PCDH15: variants seen among roughly 807,000 people sequenced by gnomAD.
PCDH15 encodes the protein protocadherin-15.
Under a neutral mutation model 178.5 loss-of-function variants are expected in PCDH15, and 129 were observed. That is an observed-to-expected ratio of 0.72 (90% CI 0.63 to 0.84). The LOEUF is 0.84. PCDH15 is among the 40% of genes least tolerant of loss of function. The probability of loss-of-function intolerance (pLI) is 0.00; values close to 1 mark genes in which losing one functional copy is unlikely to be tolerated. For synonymous variants in PCDH15, 800 were observed against 732.0 expected (o/e 1.09, Z -1.50); for missense variants, 2,230 against 2,099.9 (o/e 1.06, Z -1.21).
intron 1 of PCDH15, among the ~76,000 whole-genome samples, chr10:54,748,048 A>C (rs1041590453): frequency 2.0e-5 from 3 of 151,674 alleles, no homozygotes; most frequent in Admixed American, 6.6e-5. Context: ...CTCGTGATCC[A>C]CCCGCCCCCG....
chr10:54,273,173 T>C (rs533430154), intron 8 of PCDH15, among the ~76,000 whole-genome samples: 1 of 152,258 alleles, frequency 6.6e-6, no homozygotes, highest in East Asian at 1.9e-4. Context: ...AGCTTGCATG[T>C]AATTTATTGT....
intron 2 of PCDH15, among the ~76,000 whole-genome samples, chr10:54,584,971 G>C (rs2091345260): frequency 6.6e-6 from 1 of 152,054 alleles, no homozygotes; most frequent in Admixed American, 6.6e-5. Flanking sequence ...CAAATGGTAG[G>C]TTTGCTTCAA....
intron 3 of PCDH15, among the ~76,000 whole-genome samples, chr10:54,849,625 T>C (rs1454069344): frequency 6.6e-6 from 1 of 152,184 alleles, no homozygotes; most frequent in Non-Finnish European, 1.5e-5. Flanking sequence ...GTTATGATGA[T>C]GGGTGCATTA....
chr10:55,451,878 A>G (rs111332443), intron 2 of PCDH15, among the ~76,000 whole-genome samples: 224 of 152,344 alleles, frequency 1.5e-3, no homozygotes, highest in African/African-American at 5.1e-3. Context: ...ACACAGCTTT[A>G]GCTATATCTC....
intron 2 of PCDH15, among the ~76,000 whole-genome samples, chr10:55,351,023 C>T (rs71504005): frequency 0.54 from 51,316 of 94,702 alleles, 14,329 homozygotes; most frequent in African/African-American, 0.62. Flanking sequence ...TCTCTCCCTG[C>T]TTCCTCCCCC....
intron 2 of PCDH15, among the ~76,000 whole-genome samples, chr10:55,353,041 C>T (rs1360979772): frequency 6.6e-6 from 1 of 152,134 alleles, no homozygotes; most frequent in African/African-American, 2.4e-5. Flanking sequence ...ACAACCAATG[C>T]TTTAAAAGTA....
In PCDH15 at chr10:54,734,774, A is replaced by G. The variant is rs150887935; in HGVS notation, c.-29+66151T>C. 3.4e-3 allele frequency among the ~76,000 whole-genome samples: 512 copies of G among 152,168 alleles called. 2 individuals are homozygous for G. The highest frequency in any genetic ancestry group is 6.2e-3 in the Non-Finnish European group (420 of 67,954). On this transcript the variant is annotated intron_variant, in intron 1 of 37. Transcript: ENST00000644397. ...CTACAATCCATGTGGATGAGTATCAAATGGATATCCTAACTGAAAAAAGTC... is the reference window on the plus strand; with the variant it reads ...CTACAATCCATGTGGATGAGTATCAGATGGATATCCTAACTGAAAAAAGTC...
intron 6 of PCDH15, among the ~76,000 whole-genome samples, chr10:54,334,200 A>G (rs891682997): frequency 6.6e-6 from 1 of 152,198 alleles, no homozygotes; most frequent in Admixed American, 6.5e-5. Flanking sequence ...TTCAGTGACA[A>G]CAACTGTCAA....
intron 2 of PCDH15, among the ~76,000 whole-genome samples, chr10:55,482,535 T>G (rs1840203683): frequency 6.6e-6 from 1 of 151,814 alleles, no homozygotes; most frequent in South Asian, 2.1e-4. Flanking sequence ...CCCTCAGCAT[T>G]TGCTTGTTTG....
At chr10:54,120,888 A>G (rs1160895667) in intron 15 of PCDH15, among the ~76,000 whole-genome samples, 1 of 152,138 alleles carries the variant, frequency 6.6e-6, no homozygotes, top group Non-Finnish European at 1.5e-5. Context: ...TTGTCAAGGC[A>G]GAAAACTAAC....
rs138010762 is a variant in PCDH15, at chr10:55,393,900, A to T, written c.-155-227249T>A. Among the ~76,000 whole-genome samples the T allele has an allele frequency of 3.7e-3, 567 of 152,210 alleles. 4 individuals carry two copies. The highest frequency in any genetic ancestry group is 0.011 in the African/African-American group (472 of 41,546). On this transcript the variant is annotated intron_variant, in intron 2 of 5. Transcript: ENST00000613346. Reference sequence around the variant, plus strand: ...CACCTCATTTTAATGTCAAAATCCCACCCAAAAGTGAACATGGGATACATG... The same window carrying T: ...CACCTCATTTTAATGTCAAAATCCCTCCCAAAAGTGAACATGGGATACATG...
intron 25 of PCDH15, among the ~76,000 whole-genome samples, chr10:53,931,329 T>G (rs2133980539): frequency 6.6e-6 from 1 of 152,306 alleles, no homozygotes; most frequent in African/African-American, 2.4e-5. Context: ...TCAGGTGGAT[T>G]GTATGAGTGG....
chr10:55,377,065 T>C (rs1010370894), intron 2 of PCDH15, among the ~76,000 whole-genome samples: 3 of 151,332 alleles, frequency 2.0e-5, no homozygotes, highest in African/African-American at 7.3e-5. Context: ...ACTATTAGAA[T>C]ATTAGTTCAT....
At chr10:54,152,784 C>T (rs2044669303) in intron 14 of PCDH15, among the ~76,000 whole-genome samples, 1 of 151,936 alleles carries the variant, frequency 6.6e-6, no homozygotes, top group Non-Finnish European at 1.5e-5. Flanking sequence ...TACCTATACA[C>T]TCAGAAGTGA....
At chr10:55,621,990 T>C (rs1411946990) in intron 2 of PCDH15, among the ~76,000 whole-genome samples, 1 of 143,442 alleles carries the variant, frequency 7.0e-6, no homozygotes, top group Non-Finnish European at 1.5e-5. Flanking sequence ...TCTCTCTCTA[T>C]ATATATTTAT....
At chr10:54,546,156 A>T (rs1210020949) in intron 2 of PCDH15, among the ~76,000 whole-genome samples, 2 of 152,234 alleles carry the variant, frequency 1.3e-5, no homozygotes, top group African/African-American at 4.8e-5. Flanking sequence ...CCGCTGTGGC[A>T]TCCAAGCTTA....
In PCDH15 at chr10:55,038,148, A is replaced by G. The variant is rs1236074958; in HGVS notation, c.-80+128428T>C. Among the ~76,000 whole-genome samples, 9 of 152,182 alleles carry G rather than the reference A, an allele frequency of 5.9e-5. 1 individual carries two copies. The highest frequency in any genetic ancestry group is 7.4e-5 in the Non-Finnish European group (5 of 68,014). On this transcript the variant is annotated intron_variant, in intron 2 of 5. Coordinates refer to the PCDH15 transcript ENST00000458638. ...ACCTGTTTATACACACACAACACAT[A>G]TATGTACCATATTTATCTATATACA... is the stretch of plus-strand genomic sequence containing the variant.
chr10:54,320,279 A>G (rs2061517391), intron 7 of PCDH15, among the ~76,000 whole-genome samples: 1 of 152,088 alleles, frequency 6.6e-6, no homozygotes, highest in African/African-American at 2.4e-5. Context: ...AAACATGATC[A>G]CAAGCTATTT....
chr10:55,147,480 AT>A (rs1370233983), intron 2 of PCDH15, among the ~76,000 whole-genome samples: 1 of 151,468 alleles, frequency 6.6e-6, no homozygotes, highest in African/African-American at 2.4e-5. Context: ...TGGAATGAAA[AT>A]ATTTTGCACG....
Sources: allele counts gnomAD v4.1 joint callset (sites outside exome capture counted in the v4.1 genomes callset), GRCh38; gene constraint gnomAD v4.1.1; transcripts MANE v1.5; gene names NCBI Gene and HGNC (gene_info 2026-07-23, HGNC 2026-07-21).